SGSM1: variants seen among roughly 807,000 people sequenced by gnomAD.
SGSM1 encodes the protein RUN and TBC1 domain containing 2.
A neutral mutation model predicts 133.8 loss-of-function variants in SGSM1; 73 were observed. The ratio of observed to expected loss-of-function variants is 0.55; its 90% CI spans 0.45 to 0.66. SGSM1 has a LOEUF of 0.66. Among genes scored for constraint, SGSM1 ranks in the 30% least tolerant of loss-of-function variants. The probability of loss-of-function intolerance (pLI) is 0.00; values close to 1 mark genes in which losing one functional copy is unlikely to be tolerated. For synonymous variants in SGSM1, 563 were observed against 573.0 expected (o/e 0.98, Z 0.25); for missense variants, 1,213 against 1,448.1 (o/e 0.84, Z 2.64).
chr22:24,903,622 G>A (rs1601976452), intron 20 of SGSM1, among the ~76,000 whole-genome samples: 1 of 152,144 alleles, frequency 6.6e-6, no homozygotes, highest in African/African-American at 2.4e-5. Flanking sequence ...CCCTGGTTAA[G>A]GCATAGGGAG....
At chr22:24,860,963 A>C (rs1428029006) in intron 9 of SGSM1, among the ~76,000 whole-genome samples, 22 of 141,946 alleles carry the variant, frequency 1.5e-4, no homozygotes, top group Admixed American at 9.2e-4. Context: ...TTGAAGCAAC[A>C]TGCAGACATG....
intron 2 of SGSM1, among the ~76,000 whole-genome samples, chr22:24,826,823 C>A (rs1928826419): frequency 6.6e-6 from 1 of 152,094 alleles, no homozygotes; most frequent in African/African-American, 2.4e-5. Flanking sequence ...GTGTGCCCGG[C>A]CCTGTTCAAG....
At chr22:24,840,902 C>G (rs1325515096) in intron 2 of SGSM1, among the ~76,000 whole-genome samples, 1 of 152,068 alleles carries the variant, frequency 6.6e-6, no homozygotes, top group Non-Finnish European at 1.5e-5. Context: ...CCAGGCCGGA[C>G]TGCAGTGGCG....
intron 16 of SGSM1, among the ~76,000 whole-genome samples, chr22:24,889,582 G>A (rs1042842044): frequency 4.0e-5 from 6 of 151,350 alleles, no homozygotes; most frequent in Non-Finnish European, 5.9e-5. Context: ...CCTAATTTTC[G>A]TATTTTTAGT....
At chr22:24,911,696 C>T (rs1933630984) in intron 21 of SGSM1, among the ~76,000 whole-genome samples, 1 of 152,134 alleles carries the variant, frequency 6.6e-6, no homozygotes, top group African/African-American at 2.4e-5. Flanking sequence ...ATGAGAAAGG[C>T]ATCAGATAAA....
intron 22 of SGSM1, among the ~76,000 whole-genome samples, chr22:24,914,925 T>C (rs1237496525): frequency 1.3e-5 from 2 of 151,320 alleles, no homozygotes; most frequent in East Asian, 3.9e-4. Context: ...GTTTTGTTTT[T>C]GGCCTTTATA....
intron 13 of SGSM1, among the ~76,000 whole-genome samples, chr22:24,877,301 A>G (rs571152781): frequency 6.6e-6 from 1 of 152,344 alleles, no homozygotes; most frequent in African/African-American, 2.4e-5. Flanking sequence ...TTAACTTTAT[A>G]TGGCTGTGGT....
At chr22:24,827,668 T>G (rs1289970675) in intron 2 of SGSM1, among the ~76,000 whole-genome samples, 5 of 152,058 alleles carry the variant, frequency 3.3e-5, no homozygotes, top group African/African-American at 1.2e-4. Context: ...CTGCTGTGTG[T>G]CAGGCACCAT....
intron 14 of SGSM1, among the ~76,000 whole-genome samples, chr22:24,883,425 CAG>C (rs1932441226): frequency 6.6e-6 from 1 of 152,180 alleles, no homozygotes; most frequent in East Asian, 1.9e-4. Flanking sequence ...AGCAAGCCCA[CAG>C]AGTCACTGGC....
intron 21 of SGSM1, among the ~76,000 whole-genome samples, chr22:24,911,228 C>T (rs1044068025): frequency 6.6e-6 from 1 of 151,802 alleles, no homozygotes; most frequent in African/African-American, 2.4e-5. Flanking sequence ...CAGAATGAGA[C>T]CCTGTCTCAA....
chr22:24,860,918 AAAAAATAT>A (rs1373822638), intron 9 of SGSM1, among the ~76,000 whole-genome samples: 5 of 76,134 alleles, frequency 6.6e-5, no homozygotes, highest in African/African-American at 3.7e-4. Context: ...AAAAAAAAAA[AAAAAATAT>A]ATATATATAT....
chr22:24,915,468 A>G (rs1569178637), intron 22 of SGSM1, among the ~76,000 whole-genome samples: 2 of 152,216 alleles, frequency 1.3e-5, no homozygotes, highest in Admixed American at 6.5e-5. Flanking sequence ...CACCATCCTC[A>G]CTTGATATTG....
chr22:24,912,188 G>A (rs1033705859), intron 21 of SGSM1, among the ~76,000 whole-genome samples: 5 of 152,076 alleles, frequency 3.3e-5, no homozygotes, highest in African/African-American at 9.7e-5. Flanking sequence ...ATGAGAGCTT[G>A]GAACAGAAAA....
At chr22:24,838,087 T>A (rs1266380808) in intron 2 of SGSM1, among the ~76,000 whole-genome samples, 1 of 152,250 alleles carries the variant, frequency 6.6e-6, no homozygotes, top group Non-Finnish European at 1.5e-5. Context: ...AAGTCTTTGG[T>A]CCATTTTACT....
chr22:24,873,962 C>T (rs997408995), intron 12 of SGSM1, among the ~76,000 whole-genome samples: 3 of 152,122 alleles, frequency 2.0e-5, no homozygotes, highest in Non-Finnish European at 4.4e-5. Flanking sequence ...GTTTTCTAAT[C>T]TGTAAAAGGG....
intron 5 of SGSM1, among the ~76,000 whole-genome samples, chr22:24,852,573 A>T (rs560370050): frequency 6.6e-6 from 1 of 152,168 alleles, no homozygotes; most frequent in East Asian, 1.9e-4. Flanking sequence ...CCTCCCAAGT[A>T]GCTGGTTTTA....
At chr22:24,904,548 C>G (rs990572731) in intron 20 of SGSM1, among the ~76,000 whole-genome samples, 3 of 147,058 alleles carry the variant, frequency 2.0e-5, no homozygotes, top group African/African-American at 7.6e-5. Flanking sequence ...CCACTGCACT[C>G]CAGCCTGAGC....
At chr22:24,874,452 T>G (rs1276070524) in intron 12 of SGSM1, 1 of 1,613,342 alleles carries the variant, frequency 6.2e-7, no homozygotes, top group African/African-American at 1.3e-5. Context: ...CCTCCGTCTC[T>G]GTGGGCCCTG....
intron 2 of SGSM1, among the ~76,000 whole-genome samples, chr22:24,809,403 A>G (rs946711624): frequency 6.6e-6 from 1 of 152,194 alleles, no homozygotes; most frequent in African/African-American, 2.4e-5. Context: ...TTCTGTGTGT[A>G]CATCTGTTTC....
Sources: gnomAD v4.1 joint callset for allele counts (sites outside exome capture counted in the v4.1 genomes callset) on GRCh38, gnomAD v4.1.1 for gene constraint, MANE v1.5 for transcripts, NCBI Gene and HGNC (gene_info 2026-07-23, HGNC 2026-07-21) for gene names.